The following PCDHGB4 variants were observed in gnomAD, a reference collection of about 807,000 sequenced individuals.
PCDHGB4 encodes protocadherin gamma-B4.
Under a neutral mutation model 60.5 loss-of-function variants are expected in PCDHGB4, and 38 were observed. That is an observed-to-expected ratio of 0.63 (90% CI 0.48 to 0.82). The LOEUF is 0.82. Among genes scored for constraint, PCDHGB4 ranks in the 40% least tolerant of loss-of-function variants. The probability of loss-of-function intolerance (pLI) is 0.00; values close to 1 mark genes in which losing one functional copy is unlikely to be tolerated. For synonymous variants in PCDHGB4, 456 were observed against 509.7 expected, an observed-to-expected ratio of 0.89 and a Z score of 1.42; for missense variants, 1,109 against 1,209.6, an observed-to-expected ratio of 0.92 and a Z score of 1.23.
intron 1 of PCDHGB4, chr5:141,417,116 C>A (rs1407873769): frequency 6.6e-6 from 1 of 151,954 alleles, no homozygotes; most frequent in Non-Finnish European, 1.5e-5. Context: ...ATACAGGACA[C>A]CCTGGATGAT....
intron 1 of PCDHGB4, chr5:141,430,554 A>G (rs372392559): frequency 3.2e-5 from 13 of 411,906 alleles, no homozygotes; most frequent in Admixed American, 4.0e-5. Context: ...CTGTTCACCA[A>G]TCGGGGAGAG....
Position 141,510,362 on chromosome 5 carries a change from C to T in PCDHGB4, c.2546-585C>T, listed in dbSNP as rs74321279. Among the ~76,000 whole-genome samples the T allele has an allele frequency of 2.0e-4, 29 of 142,136 alleles. No homozygotes were observed. In the East Asian group the frequency reaches 5.7e-3, roughly 28 times the overall value. The allele number at this position is 142,136 out of a possible 152,430, so 93.2% of individuals were successfully genotyped here. A position where few individuals can be genotyped will look rare whatever the true frequency, so the allele number is the denominator to read the frequency against. On this transcript the variant is annotated intron_variant, in intron 3 of 3. Coordinates refer to ENST00000519479, the MANE Select transcript of PCDHGB4 (RefSeq NM_003736.4). ...CCCACACACTTACTAACGGAACTAC[C>T]GAATCTCTACTCGTGCCAGGCCTTG... is the stretch of plus-strand genomic sequence containing the variant.
intron 1 of PCDHGB4, chr5:141,413,689 C>A: frequency 1.2e-6 from 2 of 1,613,800 alleles, no homozygotes; most frequent in Non-Finnish European, 1.7e-6. Flanking sequence ...GAACTCCCTG[C>A]AGAGCTATCA....
intron 1 of PCDHGB4, among the ~76,000 whole-genome samples, chr5:141,450,616 A>G (rs2098687684): frequency 6.6e-6 from 1 of 151,486 alleles, no homozygotes; most frequent in African/African-American, 2.4e-5. Flanking sequence ...CCTCCTGAGT[A>G]GCTGGGATTA....
chr5:141,505,267 A>G (rs2099845018), intron 2 of PCDHGB4, 126 bp from the exon 3 acceptor site: 1 of 1,514,640 alleles, frequency 6.6e-7, no homozygotes, highest in Admixed American at 2.0e-5. Flanking sequence ...TACCTTGCTG[A>G]GAGAAACAGG....
In PCDHGB4 at chr5:141,421,099, G is replaced by A. The variant is rs941392242; in HGVS notation, c.2397+30818G>A. ...GATACTCACAGATCCTGACACTGGA[G>A]ACTTAGAAGTATTTTCCTTCGCTTT... is the stretch of plus-strand genomic sequence containing the variant. On this transcript the variant is annotated intron_variant, in intron 1 of 3. Coordinates refer to ENST00000519479, the MANE Select transcript of PCDHGB4 (RefSeq NM_003736.4). 1.2e-5 allele frequency: 8 copies of A among 680,384 alleles called. No individual in the cohort carries two copies. In the Admixed American group the frequency reaches 1.2e-4, roughly 11 times the overall value. 42.1% of individuals were successfully genotyped at this position (680,384 alleles called of 1,614,324 possible).
Position 141,432,226 on chromosome 5 carries a change from T to C in PCDHGB4, c.2397+41945T>C. On this transcript the variant is annotated intron_variant, in intron 1 of 3. Coordinates refer to ENST00000519479, the MANE Select transcript of PCDHGB4 (RefSeq NM_003736.4). The surrounding 1 kb of genome is among the most constrained non-coding windows in gnomAD (Gnocchi z 6.0). ...GTGAAGAGAACGCCCAGATCACTTATTCCCTGGCTGAGAACACCATCCAAG... is the reference window on the plus strand; with the variant it reads ...GTGAAGAGAACGCCCAGATCACTTACTCCCTGGCTGAGAACACCATCCAAG... 4 of 1,614,198 alleles carry C rather than the reference T, an allele frequency of 2.5e-6. No individual in the cohort carries two copies. The highest frequency in any genetic ancestry group is 3.4e-6 in the Non-Finnish European group (4 of 1,180,028).
At chr5:141,460,459 T>A (rs2098989808) in intron 1 of PCDHGB4, among the ~76,000 whole-genome samples, 1 of 152,176 alleles carries the variant, frequency 6.6e-6, no homozygotes, top group South Asian at 2.1e-4. Flanking sequence ...ATTCATATTT[T>A]TTTCCAAAGG....
At chr5:141,433,358 C>CCTAT (rs3074541) in intron 1 of PCDHGB4, 148,925 of 502,316 alleles carry the variant, frequency 0.3, 18,760 homozygotes, top group East Asian at 0.33. Flanking sequence ...CTACTGTCTG[C>CCTAT]CTATCTATCT....
chr5:141,398,505 T>A (rs1561664724), intron 1 of PCDHGB4: 7 of 1,598,768 alleles, frequency 4.4e-6, no homozygotes, highest in Non-Finnish European at 6.0e-6. Context: ...TCGAGGACAT[T>A]AATGACCACA....
rs766506538 is a variant in PCDHGB4, at chr5:141,389,747, G to A, written c.1863G>A (p.Thr621=). ...EPGLFSLGLR[T]GEVRTARALG... ...GGCTCTTCAGCCTGGGGCTGCGCAC[G>A]GGCGAAGTGCGCACAGCGCGTGCCT... The change falls in exon 1 of 4, where the codon ACG becomes ACA. Residue 621 remains threonine (T), a synonymous_variant. Coordinates refer to ENST00000519479, the MANE Select transcript of PCDHGB4 (RefSeq NM_003736.4). The A allele has an allele frequency of 2.4e-5, 38 of 1,612,722 alleles. No individual in the cohort carries two copies. Among genetic ancestry groups the A allele is most frequent in the Admixed American group, 2.2e-4 (13 of 60,006 alleles).
At chr5:141,505,574 C>T (rs1275802375) in intron 3 of PCDHGB4, 93 bp downstream of exon 3, 13 of 1,593,636 alleles carry the variant, frequency 8.2e-6, no homozygotes, top group Non-Finnish European at 1.1e-5. Context: ...GGATGTCAAA[C>T]CTGTGTAGTT....
At position 141,489,300 on chromosome 5, in the gene PCDHGB4, C is replaced by T; in HGVS notation, c.2398-5507C>T. 1 of 1,585,700 alleles carries T rather than the reference C, an allele frequency of 6.3e-7. No individual in the cohort carries two copies. The highest frequency in any genetic ancestry group is 1.3e-5 in the African/African-American group (1 of 74,388). On this transcript the variant is annotated intron_variant, in intron 1 of 3. Coordinates refer to ENST00000519479, the MANE Select transcript of PCDHGB4 (RefSeq NM_003736.4). This position sits in a 1 kb window ranked among gnomAD's most constrained non-coding sequence, Gnocchi z 4.5. The stretch of plus-strand genomic sequence containing the variant: ...AATGGCAAGTGCTGTGCATGTTGTC[C>T]TTGTGCTGCTGGGGCTGGGTGTCTG...
In PCDHGB4 at chr5:141,491,198, A is replaced by T. The variant is rs1344758185; in HGVS notation, c.2398-3609A>T. ...GTGGTCCTGGTGAGGGACAATGGTG[A>T]CCCTTCACTCTCCTCCACAGCCACA... On this transcript the variant is annotated intron_variant, in intron 1 of 3. Coordinates refer to ENST00000519479, the MANE Select transcript of PCDHGB4 (RefSeq NM_003736.4). This position sits in a 1 kb window ranked among gnomAD's most constrained non-coding sequence, Gnocchi z 6.9. 1.2e-6 allele frequency: 2 copies of T among 1,613,912 alleles called. No individual in the cohort carries two copies. The highest frequency in any genetic ancestry group is 1.3e-5 in the African/African-American group (1 of 74,866).
At chr5:141,390,611 C>A (rs1248320569) in intron 1 of PCDHGB4, 1 of 295,950 alleles carries the variant, frequency 3.4e-6, no homozygotes, top group Admixed American at 4.8e-5. Context: ...CATTTTCCTT[C>A]TTGTTGACTA....
At position 141,490,516 on chromosome 5, in the gene PCDHGB4, G is replaced by T. The variant is rs768123119; in HGVS notation, c.2398-4291G>T. The T allele has an allele frequency of 6.2e-7, 1 of 1,613,828 alleles. No individual in the cohort carries two copies. The highest frequency in any genetic ancestry group is 2.2e-5 in the East Asian group (1 of 44,864). On this transcript the variant is annotated intron_variant, in intron 1 of 3. Transcript: ENST00000519479. This position sits in a 1 kb window ranked among gnomAD's most constrained non-coding sequence, Gnocchi z 5.4. ...ATCCCACTATATCATCGAGCTGCTG[G>T]CCAGCGATGCTGGTTCACCTTCCCT... is the stretch of plus-strand genomic sequence containing the variant.
intron 1 of PCDHGB4, among the ~76,000 whole-genome samples, chr5:141,438,793 C>T (rs982191766): frequency 2.7e-5 from 4 of 149,544 alleles, no homozygotes; most frequent in African/African-American, 7.4e-5. Context: ...TCTCCAGTAG[C>T]TGGGATTACA....
At chr5:141,500,244 T>C (rs1426405294) in intron 2 of PCDHGB4, among the ~76,000 whole-genome samples, 1 of 151,640 alleles carries the variant, frequency 6.6e-6, no homozygotes, top group Non-Finnish European at 1.5e-5. Context: ...AGCCTTGCTC[T>C]GTCACCCAGG....
chr5:141,477,532 C>A lies in PCDHGB4; in HGVS notation c.2398-17275C>A. 6.2e-7 allele frequency: 1 copy of A among 1,614,146 alleles called. No individual in the cohort carries two copies. The highest frequency in any genetic ancestry group is 8.5e-7 in the Non-Finnish European group (1 of 1,180,028). ...TTTACATTGAAGAAAACAACCTCCC[C>A]GGGGCTCCAATACTAAACCTAAGTG... On this transcript the variant is annotated intron_variant, in intron 1 of 3. Coordinates refer to ENST00000519479, the MANE Select transcript of PCDHGB4 (RefSeq NM_003736.4). The surrounding 1 kb of genome is among the most constrained non-coding windows in gnomAD (Gnocchi z 4.9).
Sources: gnomAD v4.1 joint callset for allele counts (sites outside exome capture counted in the v4.1 genomes callset) on GRCh38, gnomAD v4.1.1 for gene constraint, Gnocchi (gnomAD v3.1) non-coding constraint, MANE v1.5 for transcripts, NCBI Gene and HGNC (gene_info 2026-07-23, HGNC 2026-07-21) for gene names.